Variants in RORA observed in about 807,000 individuals in gnomAD.
The protein encoded by RORA is RAR related orphan receptor A.
RORA carries 7 observed loss-of-function variants against 69.5 expected under a neutral mutation model. The observed-to-expected ratio is 0.10, with a 90% CI of 0.06 to 0.19. RORA has a LOEUF of 0.19. RORA is among the 10% of genes least tolerant of loss of function. The probability of loss-of-function intolerance (pLI) is 1.00; values close to 1 mark genes in which losing one functional copy is unlikely to be tolerated. For missense variants in RORA, 457 were observed against 663.0 expected (o/e 0.69, Z 3.41); for synonymous variants, 261 against 240.8 (o/e 1.08, Z -0.78).
At chr15:60,891,294 C>T (rs960023225) in intron 1 of RORA, among the ~76,000 whole-genome samples, 6 of 152,106 alleles carry the variant, frequency 3.9e-5, no homozygotes, top group South Asian at 4.2e-4. Flanking sequence ...TGTATGTGCA[C>T]GTGTGTGTGC....
intron 2 of RORA, among the ~76,000 whole-genome samples, chr15:60,597,583 TATATATATATACAC>T (rs2068710995): frequency 1.9e-4 from 4 of 21,536 alleles, no homozygotes; most frequent in African/African-American, 5.3e-4. Flanking sequence ...TACACATATA[TATATATATATACAC>T]ATATATATAT....
intron 5 of RORA, chr15:60,510,365 G>A (rs374453090): frequency 1.9e-4 from 29 of 152,272 alleles, no homozygotes; most frequent in Admixed American, 4.6e-4. Flanking sequence ...CAACTTCCTC[G>A]AAATGGAAAG....
At chr15:60,869,931 A>G (rs537557624) in intron 1 of RORA, among the ~76,000 whole-genome samples, 10 of 152,308 alleles carry the variant, frequency 6.6e-5, no homozygotes, top group African/African-American at 2.4e-4. Context: ...ACCACTCAGA[A>G]TTCATAATAA....
intron 1 of RORA, among the ~76,000 whole-genome samples, chr15:61,041,444 C>T (rs1473205828): frequency 2.0e-5 from 3 of 152,144 alleles, no homozygotes; most frequent in Non-Finnish European, 4.4e-5. Flanking sequence ...TAACATTTGT[C>T]GAGCATCCAT....
chr15:61,177,806 C>CA (rs1311615382), intron 1 of RORA, among the ~76,000 whole-genome samples: 5 of 151,078 alleles, frequency 3.3e-5, no homozygotes, highest in East Asian at 3.9e-4. Context: ...ACTAAAAATA[C>CA]AAAAAATTAG....
At position 60,838,949 on chromosome 15, in the gene RORA, C is replaced by T. The variant is rs1294887080; in HGVS notation, c.167-160263G>A. Among the ~76,000 whole-genome samples, 13 of 151,228 alleles carry T rather than the reference C, an allele frequency of 8.6e-5. No individual in the cohort carries two copies. In the East Asian group the frequency reaches 1.6e-3, roughly 18 times the overall value. On this transcript the variant is annotated intron_variant, in intron 1 of 10. Coordinates refer to ENST00000335670, the MANE Select transcript of RORA (RefSeq NM_134261.3). The stretch of plus-strand genomic sequence containing the variant: ...TGTCACTCAGGCTGGAGTGCAGTGG[C>T]GCGATCTCTCCTCACTGCAAGCTCC...
intron 1 of RORA, among the ~76,000 whole-genome samples, chr15:60,748,960 T>C (rs928664939): frequency 2.6e-5 from 4 of 152,226 alleles, no homozygotes; most frequent in Admixed American, 6.5e-5. Flanking sequence ...TAAGTGATTG[T>C]CAATATTTTG....
chr15:60,740,791 G>C (rs180730492), intron 1 of RORA, among the ~76,000 whole-genome samples: 6 of 152,134 alleles, frequency 3.9e-5, no homozygotes, highest in African/African-American at 1.4e-4. Flanking sequence ...TCTTCATAGA[G>C]CCTCTCTCTC....
At chr15:60,643,517 A>G (rs531397366) in intron 2 of RORA, among the ~76,000 whole-genome samples, 2 of 152,354 alleles carry the variant, frequency 1.3e-5, no homozygotes, top group Non-Finnish European at 2.9e-5. Context: ...AGGATAGAAG[A>G]TAAGAAGATA....
At position 61,157,581 on chromosome 15, in the gene RORA, A is replaced by G. The variant is rs184175909; in HGVS notation, c.166+71472T>C. 5.9e-5 allele frequency among the ~76,000 whole-genome samples: 9 copies of G among 152,294 alleles called. 1 individual carries two copies. The East Asian group carries it at 1.5e-3, about 26-fold the overall frequency. The stretch of plus-strand genomic sequence containing the variant: ...ACCCCATTGTTCTCCAGGAGCCAAG[A>G]TTTAAGGGACAGCCCTCCTCACCAT... On this transcript the variant is annotated intron_variant, in intron 1 of 10. Coordinates refer to ENST00000335670, the MANE Select transcript of RORA (RefSeq NM_134261.3).
intron 1 of RORA, among the ~76,000 whole-genome samples, chr15:61,201,735 C>T (rs555213546): frequency 1.6e-4 from 25 of 152,216 alleles, no homozygotes; most frequent in African/African-American, 5.5e-4. Context: ...TCTCATAGGG[C>T]CTTCTCCAAC....
intron 1 of RORA, among the ~76,000 whole-genome samples, chr15:60,744,765 G>A (rs576181740): frequency 1.2e-4 from 19 of 152,286 alleles, no homozygotes; most frequent in Non-Finnish European, 2.2e-4. Flanking sequence ...GGCTGTGATG[G>A]TTCTGAGACT....
In RORA at chr15:60,923,218, T is replaced by TA. The variant is rs144404710; in HGVS notation, c.167-244533dup. ...AGTATTTTACCTTGTGCTGATTCCT[T>TA]AAAAAAACAGATTGTCTCCTGGATT... On this transcript the variant is annotated intron_variant, in intron 1 of 10. Transcript: ENST00000335670. 2.0e-3 allele frequency among the ~76,000 whole-genome samples: 303 copies of TA among 152,278 alleles called. 5 individuals carry two copies. In the East Asian group the frequency reaches 0.039, roughly 20 times the overall value.
At chr15:61,116,607 G>C (rs1414173498) in intron 1 of RORA, among the ~76,000 whole-genome samples, 1 of 152,162 alleles carries the variant, frequency 6.6e-6, no homozygotes, top group South Asian at 2.1e-4. Flanking sequence ...ATTGGAGAGG[G>C]CATGAAGCTC....
intron 1 of RORA, among the ~76,000 whole-genome samples, chr15:60,778,367 T>C (rs901083484): frequency 6.6e-6 from 1 of 152,050 alleles, no homozygotes; most frequent in African/African-American, 2.4e-5. Context: ...CACCCCCCAC[T>C]GAGTTCCAAA....
intron 1 of RORA, among the ~76,000 whole-genome samples, chr15:61,066,745 C>A (rs1444094624): frequency 6.6e-6 from 1 of 151,852 alleles, no homozygotes; most frequent in Non-Finnish European, 1.5e-5. Flanking sequence ...TCCTTAAGAA[C>A]ACAGAATACC....
intron 1 of RORA, among the ~76,000 whole-genome samples, chr15:60,814,228 G>C (rs372991195): frequency 1.3e-5 from 2 of 152,042 alleles, no homozygotes; most frequent in Non-Finnish European, 2.9e-5. Flanking sequence ...ACCAACCTTG[G>C]CTCCTCCCCA....
chr15:60,672,145 C>T (rs565831155), intron 2 of RORA, among the ~76,000 whole-genome samples: 1 of 152,238 alleles, frequency 6.6e-6, no homozygotes, highest in African/African-American at 2.4e-5. Context: ...TGTTTAAATA[C>T]TTTTTTTCAC....
intron 1 of RORA, among the ~76,000 whole-genome samples, chr15:61,071,903 G>C (rs2078371028): frequency 6.6e-6 from 1 of 152,018 alleles, no homozygotes; most frequent in Admixed American, 6.5e-5. Context: ...GTGTTGGGTG[G>C]GACAGGGTAT....
Sources: allele counts gnomAD v4.1 joint callset (sites outside exome capture counted in the v4.1 genomes callset), GRCh38; gene constraint gnomAD v4.1.1; transcripts MANE v1.5; gene names NCBI Gene and HGNC (gene_info 2026-07-23, HGNC 2026-07-21).